The following NEGR1 variants were observed in gnomAD, a reference collection of about 807,000 sequenced individuals.
NEGR1 encodes the protein IgLON family member 4.
NEGR1 carries 10 observed loss-of-function variants against 40.9 expected under a neutral mutation model. The ratio of observed to expected loss-of-function variants is 0.24; its 90% CI spans 0.15 to 0.42. The LOEUF is 0.42. Ranked by LOEUF, NEGR1 falls within the 10% of genes least tolerant of loss-of-function variation. The pLI is 1.00. For missense variants in NEGR1, 352 were observed against 438.9 expected (o/e 0.80, Z 1.77); for synonymous variants, 185 against 166.8 (o/e 1.11, Z -0.84).
intron 1 of NEGR1, among the ~76,000 whole-genome samples, chr1:72,153,879 A>G (rs1258621830): frequency 1.3e-5 from 2 of 151,968 alleles, no homozygotes; most frequent in Non-Finnish European, 2.9e-5. Context: ...GGTGGTCTTG[A>G]GGTATGAAAT....
chr1:72,231,737 A>G (rs556767946), intron 1 of NEGR1, among the ~76,000 whole-genome samples: 30 of 152,310 alleles, frequency 2.0e-4, no homozygotes, highest in African/African-American at 7.2e-4. Context: ...ATGTTACATT[A>G]TCACATGATT....
chr1:72,022,554 T>C (rs569952407), intron 1 of NEGR1, among the ~76,000 whole-genome samples: 5 of 150,076 alleles, frequency 3.3e-5, no homozygotes, highest in Admixed American at 6.7e-5. Context: ...AACACACACA[T>C]ATATATATAA....
At chr1:71,581,871 T>C (rs926624970) in intron 6 of NEGR1, among the ~76,000 whole-genome samples, 1 of 151,776 alleles carries the variant, frequency 6.6e-6, no homozygotes, top group African/African-American at 2.4e-5. Context: ...TTCAGTTAAT[T>C]TTGTGTATTT....
rs961694247 is a variant in NEGR1, at chr1:72,174,830, C to T, written c.176+107489G>A. Among the ~76,000 whole-genome samples the T allele has an allele frequency of 2.6e-5, 4 of 151,886 alleles. No individual in the cohort carries two copies. In the East Asian group the frequency reaches 5.8e-4, roughly 22 times the overall value. ...TATTATCACAATCTAAGGGAGGCAA[C>T]GAAGGATAGTAAAAACAAAAACAAA... On this transcript the variant is annotated intron_variant, in intron 1 of 6. Coordinates refer to ENST00000357731, the MANE Select transcript of NEGR1 (RefSeq NM_173808.3).
chr1:71,407,856 A>C (rs1012553671), intron 6 of NEGR1: 1 of 312,076 alleles, frequency 3.2e-6, no homozygotes, highest in Non-Finnish European at 6.0e-6. Flanking sequence ...TATTACATCA[A>C]CTAAACACAT....
chr1:71,965,855 A>G lies in NEGR1; in HGVS notation c.177-30544T>C, dbSNP rs141882995. Among the ~76,000 whole-genome samples, 572 of 152,266 alleles carry G rather than the reference A, an allele frequency of 3.8e-3. 9 individuals are homozygous for G. The highest frequency in any genetic ancestry group is 0.032 in the Admixed American group (487 of 15,286). On this transcript the variant is annotated intron_variant, in intron 1 of 6. Transcript: ENST00000357731. ...ATAACAGCTTTATTTGATCCTCATA[A>G]TAAAGTAGAAAAAGAAAAAAATCAT...
At chr1:71,886,028 G>A (rs908429224) in intron 2 of NEGR1, among the ~76,000 whole-genome samples, 2 of 152,056 alleles carry the variant, frequency 1.3e-5, no homozygotes, top group African/African-American at 4.8e-5. Context: ...ATCAAAAGAC[G>A]ACAGCTTTTT....
chr1:71,935,157 T>C lies in NEGR1; in HGVS notation c.331A>G (p.Thr111Ala). 1 of 1,613,836 alleles carries C rather than the reference T, an allele frequency of 6.2e-7. No individual in the cohort carries two copies. ...YSLQIQNVDV[T>A]DDGPYTCSVQ... The stretch of plus-strand genomic sequence containing the variant: ...GAACACGTGTATGGGCCATCATCTG[T>C]CACATCTACATTCTGTATCTGGAGG... Residue 111 changes from threonine to alanine, a missense_variant, in exon 2 of 7, where the codon ACA becomes GCA. Transcript: ENST00000357731.
At chr1:71,797,232 C>T (rs1282961052) in intron 2 of NEGR1, among the ~76,000 whole-genome samples, 1 of 152,102 alleles carries the variant, frequency 6.6e-6, no homozygotes, top group African/African-American at 2.4e-5. Context: ...GAATTATTAA[C>T]CTAATTCTAA....
chr1:71,925,566 A>G (rs1645764616), intron 2 of NEGR1, among the ~76,000 whole-genome samples: 1 of 152,198 alleles, frequency 6.6e-6, no homozygotes, highest in Non-Finnish European at 1.5e-5. Context: ...ACTACAGATC[A>G]TAGAGTAAAC....
chr1:71,806,854 C>A (rs1286572160), intron 2 of NEGR1, among the ~76,000 whole-genome samples: 2 of 151,290 alleles, frequency 1.3e-5, no homozygotes, highest in Non-Finnish European at 2.9e-5. Flanking sequence ...TAGCATACCA[C>A]ACAAACTTAA....
chr1:71,447,153 A>G (rs1022929466), intron 6 of NEGR1, among the ~76,000 whole-genome samples: 9 of 152,200 alleles, frequency 5.9e-5, no homozygotes, highest in South Asian at 2.1e-4. Context: ...CAGTGGCTGC[A>G]TTAGATTCTC....
At chr1:71,424,138 T>C (rs1032511144) in intron 6 of NEGR1, among the ~76,000 whole-genome samples, 5 of 152,024 alleles carry the variant, frequency 3.3e-5, no homozygotes, top group African/African-American at 1.2e-4. Context: ...ATTCTCACCA[T>C]TGAATAGTAA....
At chr1:71,616,633 T>G (rs1394869695) in intron 4 of NEGR1, among the ~76,000 whole-genome samples, 1 of 152,208 alleles carries the variant, frequency 6.6e-6, no homozygotes, top group Non-Finnish European at 1.5e-5. Context: ...CTGCATCTGG[T>G]GGCAGGCTTT....
At chr1:72,152,636 C>G (rs1651166677) in intron 1 of NEGR1, among the ~76,000 whole-genome samples, 1 of 151,846 alleles carries the variant, frequency 6.6e-6, no homozygotes, top group Non-Finnish European at 1.5e-5. Flanking sequence ...ATTATATACC[C>G]AAAGGAAAAT....
intron 1 of NEGR1, among the ~76,000 whole-genome samples, chr1:72,105,353 G>A (rs190079804): frequency 6.6e-6 from 1 of 152,144 alleles, no homozygotes; most frequent in Admixed American, 6.6e-5. Context: ...ACTCTAGGAA[G>A]TGAGTAATGA....
At chr1:71,958,123 T>A (rs1289090815) in intron 1 of NEGR1, among the ~76,000 whole-genome samples, 1 of 152,236 alleles carries the variant, frequency 6.6e-6, no homozygotes, top group Non-Finnish European at 1.5e-5. Context: ...AAGGACCTTT[T>A]CAAACATTTT....
At chr1:71,556,439 A>G (rs1648254295) in intron 6 of NEGR1, among the ~76,000 whole-genome samples, 1 of 151,502 alleles carries the variant, frequency 6.6e-6, no homozygotes, top group Non-Finnish European at 1.5e-5. Flanking sequence ...AAACAACATG[A>G]CCATTAAGTC....
At chr1:71,610,940 A>T in intron 5 of NEGR1, 86 bp downstream of exon 5, 1 of 1,392,948 alleles carries the variant, frequency 7.2e-7, no homozygotes, top group Non-Finnish European at 1.0e-6. Flanking sequence ...CAAGCCAGTT[A>T]AAGAAATTGC....
Sources: allele counts gnomAD v4.1 joint callset (sites outside exome capture counted in the v4.1 genomes callset), GRCh38; gene constraint gnomAD v4.1.1; transcripts MANE v1.5; gene names NCBI Gene and HGNC (gene_info 2026-07-23, HGNC 2026-07-21).